ADAMTSL1: variants seen among roughly 807,000 people sequenced by gnomAD.
ADAMTSL1 encodes ADAMTS-like protein 1.
ADAMTSL1 carries 126 observed loss-of-function variants against 201.8 expected under a neutral mutation model. That is an observed-to-expected ratio of 0.62 (90% CI 0.54 to 0.72). ADAMTSL1 has a LOEUF of 0.72. ADAMTSL1 is among the 30% of genes least tolerant of loss of function. ADAMTSL1 has a pLI of 0.00. For missense variants in ADAMTSL1, 2,679 were observed against 2,277.8 expected (o/e 1.18, Z -3.59); for synonymous variants, 1,121 against 903.4 (o/e 1.24, Z -4.32).
intron 1 of ADAMTSL1, among the ~76,000 whole-genome samples, chr9:17,934,386 C>A (rs567372177): frequency 6.6e-6 from 1 of 152,158 alleles, no homozygotes; most frequent in African/African-American, 2.4e-5. Context: ...TTACTTCCCT[C>A]CTTGGCTAGC....
intron 2 of ADAMTSL1, among the ~76,000 whole-genome samples, chr9:18,372,576 T>C (rs1396257944): frequency 1.3e-5 from 2 of 152,170 alleles, no homozygotes; most frequent in African/African-American, 4.8e-5. Context: ...GCTCTTTCCA[T>C]TACTACACAA....
chr9:17,918,189 C>G (rs1826176073), intron 1 of ADAMTSL1, among the ~76,000 whole-genome samples: 1 of 151,474 alleles, frequency 6.6e-6, no homozygotes, highest in Admixed American at 6.6e-5. Context: ...TTCTTCTAGT[C>G]TGTTTTATTT....
rs563182133 is a variant in ADAMTSL1 at position 18,054,859 on chromosome 9, G to A, written c.88-109003G>A. On this transcript the variant is annotated intron_variant, in intron 1 of 29. Coordinates refer to the ADAMTSL1 transcript ENST00000680146. The stretch of plus-strand genomic sequence containing the variant: ...TTATTTCCCTTGGGGGAGGTGCTTG[G>A]TAATGTGTGAAGTTCCCCTGCCCCC... Among the ~76,000 whole-genome samples the A allele has an allele frequency of 6.6e-5, 10 of 152,300 alleles. 1 individual carries two copies. The highest frequency in any genetic ancestry group is 2.4e-4 in the African/African-American group (10 of 41,568).
intron 1 of ADAMTSL1, among the ~76,000 whole-genome samples, chr9:17,944,573 G>A (rs1373027921): frequency 6.7e-6 from 1 of 148,718 alleles, no homozygotes; most frequent in Non-Finnish European, 1.5e-5. Context: ...TATACTACAA[G>A]GCTACAGTAA....
chr9:18,182,246 A>G (rs939345998), intron 2 of ADAMTSL1, among the ~76,000 whole-genome samples: 37 of 152,098 alleles, frequency 2.4e-4, no homozygotes, highest in African/African-American at 8.5e-4. Flanking sequence ...TATGTAACAA[A>G]CATGCACATT....
chr9:18,623,954 C>T (rs1826195662), intron 5 of ADAMTSL1, among the ~76,000 whole-genome samples: 1 of 152,096 alleles, frequency 6.6e-6, no homozygotes, highest in Admixed American at 6.5e-5. Flanking sequence ...TTTAAATGGA[C>T]TTATAGGTCA....
intron 1 of ADAMTSL1, among the ~76,000 whole-genome samples, chr9:18,050,264 A>G (rs1821873353): frequency 6.6e-6 from 1 of 152,196 alleles, no homozygotes; most frequent in Admixed American, 6.5e-5. Flanking sequence ...CAAATTCTTT[A>G]TGCTCATTTT....
intron 2 of ADAMTSL1, among the ~76,000 whole-genome samples, chr9:18,327,233 A>G (rs1003782271): frequency 2.0e-5 from 3 of 152,210 alleles, no homozygotes; most frequent in African/African-American, 7.2e-5. Context: ...CATTTTACCA[A>G]ATCAACTGAA....
chr9:18,531,186 T>G (rs916222569), intron 2 of ADAMTSL1, among the ~76,000 whole-genome samples: 1 of 152,184 alleles, frequency 6.6e-6, no homozygotes, highest in African/African-American at 2.4e-5. Flanking sequence ...GAACTGTCCA[T>G]CACATGGACC....
chr9:18,847,770 A>C (rs1826226105), intron 23 of ADAMTSL1, among the ~76,000 whole-genome samples: 1 of 152,266 alleles, frequency 6.6e-6, no homozygotes, highest in African/African-American at 2.4e-5. Flanking sequence ...CAGTGTGGCC[A>C]CAATGAGGTA....
chr9:18,898,975 C>A (rs7031202), intron 26 of ADAMTSL1, among the ~76,000 whole-genome samples: 107,263 of 151,872 alleles, frequency 0.71, 38,707 homozygotes, highest in African/African-American at 0.87. Flanking sequence ...AGAAAGAAAG[C>A]AAGCATATTC....
At chr9:18,583,730 G>A (rs1052537200) in intron 4 of ADAMTSL1, among the ~76,000 whole-genome samples, 3 of 152,168 alleles carry the variant, frequency 2.0e-5, no homozygotes, top group Non-Finnish European at 4.4e-5. Context: ...CAAGACCGTG[G>A]GGACCCACCT....
intron 2 of ADAMTSL1, among the ~76,000 whole-genome samples, chr9:18,352,857 TC>T (rs1836037261): frequency 6.6e-6 from 1 of 152,206 alleles, no homozygotes; most frequent in African/African-American, 2.4e-5. Context: ...CTGTTAGATA[TC>T]TTGTTTCTTA....
intron 23 of ADAMTSL1, among the ~76,000 whole-genome samples, chr9:18,848,531 T>A (rs1826278098): frequency 6.6e-6 from 1 of 152,194 alleles, no homozygotes; most frequent in Non-Finnish European, 1.5e-5. Context: ...TTGAGCCTCA[T>A]GTAACTTCCA....
At chr9:18,157,157 C>T (rs1361560262) in intron 1 of ADAMTSL1, among the ~76,000 whole-genome samples, 1 of 151,992 alleles carries the variant, frequency 6.6e-6, no homozygotes, top group African/African-American at 2.4e-5. Flanking sequence ...TAGAGAAATG[C>T]CATAGCTTGT....
chr9:18,816,145 G>A (rs947702722), intron 20 of ADAMTSL1, among the ~76,000 whole-genome samples: 10 of 151,860 alleles, frequency 6.6e-5, no homozygotes, highest in Admixed American at 3.9e-4. Flanking sequence ...TCCTCTCCCC[G>A]CTCCCTTCCC....
intron 1 of ADAMTSL1, among the ~76,000 whole-genome samples, chr9:17,990,950 G>A (rs572681865): frequency 1.3e-5 from 2 of 151,962 alleles, no homozygotes; most frequent in Admixed American, 6.6e-5. Flanking sequence ...TTCTTTTATC[G>A]AATCTCAGTA....
At chr9:18,801,577 C>T (rs9650690) in intron 20 of ADAMTSL1, among the ~76,000 whole-genome samples, 30,822 of 152,074 alleles carry the variant, frequency 0.2, 3,335 homozygotes, top group Non-Finnish European at 0.21. Flanking sequence ...CCCCCTTCTT[C>T]GTGTTCATGA....
intron 1 of ADAMTSL1, among the ~76,000 whole-genome samples, chr9:17,947,427 G>A (rs2840782): frequency 0.95 from 144,333 of 151,906 alleles, 68,821 homozygotes; most frequent in East Asian, 1. Flanking sequence ...ATTTCAAATT[G>A]TTTCAACCCT....
Sources: allele counts gnomAD v4.1 joint callset (sites outside exome capture counted in the v4.1 genomes callset), GRCh38; gene constraint gnomAD v4.1.1; transcripts MANE v1.5; gene names NCBI Gene and HGNC (gene_info 2026-07-23, HGNC 2026-07-21).